Variants in SGCD observed in about 807,000 individuals in gnomAD.
SGCD encodes the protein delta-sarcoglycan.
A neutral mutation model predicts 36.6 loss-of-function variants in SGCD; 18 were observed. The observed-to-expected ratio is 0.49, with a 90% CI of 0.34 to 0.73. The LOEUF is 0.73. Ranked by LOEUF, SGCD falls within the 30% of genes least tolerant of loss-of-function variation. The pLI is 0.01. For missense variants in SGCD, 387 were observed against 346.7 expected (o/e 1.12, Z -0.92); for synonymous variants, 133 against 130.6 (o/e 1.02, Z -0.12).
chr5:156,145,655 T>A (rs1225014784), intron 3 of SGCD, among the ~76,000 whole-genome samples: 2 of 152,180 alleles, frequency 1.3e-5, no homozygotes, highest in African/African-American at 4.8e-5. Context: ...TTCTAGTAAG[T>A]ATTTGGTTAA....
chr5:156,308,591 C>A (rs540751482), intron 3 of SGCD, among the ~76,000 whole-genome samples: 1 of 152,162 alleles, frequency 6.6e-6, no homozygotes, highest in Admixed American at 6.5e-5. Context: ...AGCCACCGCA[C>A]CTGGCCAGAA....
intron 3 of SGCD, among the ~76,000 whole-genome samples, chr5:156,425,949 C>A (rs560187862): frequency 3.3e-5 from 5 of 152,100 alleles, no homozygotes; most frequent in African/African-American, 1.2e-4. Flanking sequence ...TATTCTTTAT[C>A]CACTCATTGG....
chr5:155,751,717 AAAAAAAG>A, the SGCD span, among the ~76,000 whole-genome samples: 1 of 150,738 alleles, frequency 6.6e-6, no homozygotes, highest in African/African-American at 2.5e-5. Flanking sequence ...TTTTTATAAA[AAAAAAAG>A]AAAAAAGAAA....
the SGCD span, among the ~76,000 whole-genome samples, chr5:155,846,500 G>A: frequency 2.0e-5 from 3 of 152,104 alleles, no homozygotes; most frequent in South Asian, 4.1e-4. Flanking sequence ...TGCCTTCTGG[G>A]TGTCACTCAT....
chr5:156,547,884 A>G lies in SGCD; in HGVS notation c.294+39182A>G, dbSNP rs77385225. ...CTGTGGACTTAAACTGGCTTGAATA[A>G]GAAGGAAATACATTAGGTCACTTGA... On this transcript the variant is annotated intron_variant, in intron 4 of 8. Transcript: ENST00000337851. Among the ~76,000 whole-genome samples the G allele has an allele frequency of 4.3e-3, 658 of 152,298 alleles. 6 individuals are homozygous for G. The highest frequency in any genetic ancestry group is 0.015 in the African/African-American group (627 of 41,570).
intron 3 of SGCD, among the ~76,000 whole-genome samples, 172 bp from the exon 4 acceptor site, chr5:156,508,429 C>T (rs1756796342): frequency 6.6e-6 from 1 of 151,864 alleles, no homozygotes; most frequent in Admixed American, 6.6e-5. Context: ...ATATGCATAA[C>T]TGCATTAAAC....
At chr5:156,219,063 T>C (rs1024161156) in intron 3 of SGCD, among the ~76,000 whole-genome samples, 1 of 152,190 alleles carries the variant, frequency 6.6e-6, no homozygotes, top group Non-Finnish European at 1.5e-5. Flanking sequence ...TTTAATCATA[T>C]GAGTGTTTCT....
At chr5:156,685,201 G>A (rs906328120) in intron 7 of SGCD, among the ~76,000 whole-genome samples, 1 of 152,096 alleles carries the variant, frequency 6.6e-6, no homozygotes, top group African/African-American at 2.4e-5. Context: ...AGAATCCAGG[G>A]GAGATGCGTC....
the SGCD span, among the ~76,000 whole-genome samples, chr5:155,735,898 A>G: frequency 6.6e-6 from 1 of 152,024 alleles, no homozygotes; most frequent in Non-Finnish European, 1.5e-5. Flanking sequence ...CTTGTATGTG[A>G]TATTTCAAGA....
intron 3 of SGCD, among the ~76,000 whole-genome samples, chr5:156,482,376 G>A (rs1755469779): frequency 6.6e-6 from 1 of 152,122 alleles, no homozygotes; most frequent in Non-Finnish European, 1.5e-5. Flanking sequence ...TATATAGGAA[G>A]GGTAATATTG....
chr5:156,759,044 G>C (rs368984934), intron 8 of SGCD, among the ~76,000 whole-genome samples, 173 bp from the exon 9 acceptor site: 8 of 152,154 alleles, frequency 5.3e-5, no homozygotes, highest in African/African-American at 1.9e-4. Flanking sequence ...TTCTGTGAAG[G>C]TAGAGACTTT....
At chr5:156,734,486 C>T (rs529775484) in intron 7 of SGCD, among the ~76,000 whole-genome samples, 3 of 152,176 alleles carry the variant, frequency 2.0e-5, no homozygotes, top group East Asian at 3.9e-4. Flanking sequence ...TCTAAATTGG[C>T]TCCATTCTCC....
intron 3 of SGCD, among the ~76,000 whole-genome samples, chr5:156,415,397 G>A (rs928488772): frequency 8.5e-5 from 13 of 152,118 alleles, no homozygotes; most frequent in African/African-American, 3.1e-4. Context: ...AGTCTATTTT[G>A]TATGATTATT....
chr5:156,752,863 C>A (rs1165577894), intron 7 of SGCD, among the ~76,000 whole-genome samples: 1 of 152,210 alleles, frequency 6.6e-6, no homozygotes, highest in Non-Finnish European at 1.5e-5. Flanking sequence ...TCCCCGTAGA[C>A]AGCATCTCCA....
At chr5:156,083,910 T>C (rs1476958873) in intron 1 of SGCD, among the ~76,000 whole-genome samples, 1 of 152,152 alleles carries the variant, frequency 6.6e-6, no homozygotes, top group Non-Finnish European at 1.5e-5. Flanking sequence ...CAATGGAGTG[T>C]ATTTGTGTGG....
chr5:156,643,041 T>TG (rs1478019175), intron 6 of SGCD, among the ~76,000 whole-genome samples: 14 of 1,500 alleles, frequency 9.3e-3, no homozygotes, highest in Middle Eastern at 0.25. Context: ...TTTTTGTTTG[T>TG]TTTTTTTTGA....
chr5:156,508,830 G>A, intron 4 of SGCD, 128 bp downstream of exon 4: 1 of 548,744 alleles, frequency 1.8e-6, no homozygotes, highest in Non-Finnish European at 3.2e-6. Flanking sequence ...AGATGAATTT[G>A]CTTTCTCTTC....
chr5:156,104,464 A>G (rs1319659393), intron 1 of SGCD, among the ~76,000 whole-genome samples: 11 of 152,138 alleles, frequency 7.2e-5, no homozygotes, highest in Non-Finnish European at 1.5e-4. Flanking sequence ...ATTGAATCTC[A>G]CTTTAAAGAT....
intron 1 of SGCD, among the ~76,000 whole-genome samples, chr5:156,114,846 C>T (rs1445082081): frequency 6.6e-6 from 1 of 152,028 alleles, no homozygotes; most frequent in Non-Finnish European, 1.5e-5. Context: ...ATCTCTTACA[C>T]ATATTTTTTG....
Sources: allele counts gnomAD v4.1 joint callset (sites outside exome capture counted in the v4.1 genomes callset), GRCh38; gene constraint gnomAD v4.1.1; transcripts MANE v1.5; gene names NCBI Gene and HGNC (gene_info 2026-07-23, HGNC 2026-07-21).